Variants in NUBPL observed in about 807,000 individuals in gnomAD.
NUBPL encodes the protein NUBP iron-sulfur cluster assembly factor, mitochondrial, also known as iron-sulfur cluster transfer protein NUBPL.
Under a neutral mutation model 45.7 loss-of-function variants are expected in NUBPL, and 31 were observed. That is an observed-to-expected ratio of 0.68 (90% CI 0.51 to 0.92). NUBPL has a LOEUF of 0.92. NUBPL is among the 40% of genes least tolerant of loss of function. NUBPL has a pLI of 0.00. For synonymous variants in NUBPL, 144 were observed against 140.9 expected, an observed-to-expected ratio of 1.02 and a Z score of -0.15; for missense variants, 401 against 398.7, an observed-to-expected ratio of 1.01 and a Z score of -0.05.
At chr14:31,724,814 G>T (rs1459523412) in intron 6 of NUBPL, among the ~76,000 whole-genome samples, 1 of 152,110 alleles carries the variant, frequency 6.6e-6, no homozygotes, top group Non-Finnish European at 1.5e-5. Context: ...GTATAACATT[G>T]ATTAATGATC....
At chr14:31,640,096 C>G (rs1595414602) in intron 4 of NUBPL, among the ~76,000 whole-genome samples, 2 of 152,304 alleles carry the variant, frequency 1.3e-5, no homozygotes, top group East Asian at 1.9e-4. Flanking sequence ...ACCCACTCTC[C>G]TGCGCCCACT....
At chr14:31,668,823 T>C (rs116686370) in intron 4 of NUBPL, among the ~76,000 whole-genome samples, 1,563 of 152,262 alleles carry the variant, frequency 0.01, 27 homozygotes, top group African/African-American at 0.036. Context: ...ACTTCCCAGA[T>C]GAGGTGACAC....
At chr14:31,662,456 T>C (rs1247250249) in intron 4 of NUBPL, among the ~76,000 whole-genome samples, 2 of 152,030 alleles carry the variant, frequency 1.3e-5, no homozygotes, top group African/African-American at 4.8e-5. Flanking sequence ...TATCCTAATG[T>C]TATCCCTTCC....
chr14:31,689,255 A>G (rs1172535161), intron 6 of NUBPL, among the ~76,000 whole-genome samples: 1 of 152,172 alleles, frequency 6.6e-6, no homozygotes, highest in Non-Finnish European at 1.5e-5. Context: ...GCTTTCCACA[A>G]TGGTTGAGCT....
chr14:31,842,870 ATGT>A (rs2040398307), intron 8 of NUBPL, among the ~76,000 whole-genome samples: 1 of 152,180 alleles, frequency 6.6e-6, no homozygotes, highest in African/African-American at 2.4e-5. Context: ...CTACATTAAT[ATGT>A]TATTTTCTTT....
intron 6 of NUBPL, among the ~76,000 whole-genome samples, chr14:31,697,461 A>C (rs2085100006): frequency 6.6e-6 from 1 of 152,256 alleles, no homozygotes; most frequent in African/African-American, 2.4e-5. Flanking sequence ...TCCTATTTCT[A>C]CCTTAAACAC....
At chr14:31,704,493 G>A (rs192693216) in intron 6 of NUBPL, among the ~76,000 whole-genome samples, 9 of 151,910 alleles carry the variant, frequency 5.9e-5, no homozygotes, top group Admixed American at 3.3e-4. Context: ...GAGAGACCCC[G>A]TCTCTACTAA....
At chr14:31,688,680 T>A (rs1239334548) in intron 6 of NUBPL, among the ~76,000 whole-genome samples, 1 of 145,254 alleles carries the variant, frequency 6.9e-6, no homozygotes, top group South Asian at 2.1e-4. Context: ...TTTTAACTTT[T>A]AGGTTCAGGG....
intron 7 of NUBPL, among the ~76,000 whole-genome samples, chr14:31,799,168 A>C (rs1474258719): frequency 6.6e-6 from 1 of 152,226 alleles, no homozygotes; most frequent in South Asian, 2.1e-4. Context: ...CTGTCCATAC[A>C]GAAAGTGCAG....
intron 8 of NUBPL, chr14:31,844,742 T>G (rs1160924090): frequency 6.6e-6 from 1 of 152,238 alleles, no homozygotes; most frequent in East Asian, 1.9e-4. Flanking sequence ...AATCATAACC[T>G]TATGGTAGAA....
chr14:31,806,432 T>C (rs1263060164), intron 7 of NUBPL, among the ~76,000 whole-genome samples: 2 of 152,120 alleles, frequency 1.3e-5, no homozygotes, highest in African/African-American at 4.8e-5. Flanking sequence ...ATGCAAAATA[T>C]TTAACCTTAG....
intron 7 of NUBPL, among the ~76,000 whole-genome samples, chr14:31,807,762 C>T (rs1186025027): frequency 6.6e-6 from 1 of 152,168 alleles, no homozygotes; most frequent in Non-Finnish European, 1.5e-5. Context: ...TTAGGTCTAA[C>T]ATTTAAGTCT....
At chr14:31,730,136 T>G (rs1387974196) in intron 6 of NUBPL, among the ~76,000 whole-genome samples, 1 of 152,236 alleles carries the variant, frequency 6.6e-6, no homozygotes, top group East Asian at 1.9e-4. Context: ...AAAAATTGGA[T>G]AAAATATGAA....
At chr14:31,846,375 C>G in intron 8 of NUBPL, 96 bp from the exon 9 acceptor site, 1 of 937,282 alleles carries the variant, frequency 1.1e-6, no homozygotes, top group Non-Finnish European at 1.7e-6. Context: ...TGATGAGTGC[C>G]ACTAGAACTC....
intron 8 of NUBPL, among the ~76,000 whole-genome samples, chr14:31,843,116 C>G (rs1056466538): frequency 7.9e-5 from 12 of 152,150 alleles, no homozygotes; most frequent in Non-Finnish European, 1.6e-4. Flanking sequence ...TGTTCAACAC[C>G]CTGGCACCCA....
At chr14:31,737,969 T>G (rs981956917) in intron 6 of NUBPL, among the ~76,000 whole-genome samples, 5 of 152,220 alleles carry the variant, frequency 3.3e-5, no homozygotes, top group African/African-American at 1.2e-4. Flanking sequence ...GTAAGCACAC[T>G]TTTCACTTAA....
chr14:31,753,209 G>A (rs1423508719), intron 6 of NUBPL, among the ~76,000 whole-genome samples: 1 of 152,188 alleles, frequency 6.6e-6, no homozygotes, highest in African/African-American at 2.4e-5. Context: ...CAGGCCCTGA[G>A]TAGGTACATG....
chr14:31,629,361 A>G (rs895209449), intron 4 of NUBPL, among the ~76,000 whole-genome samples: 1 of 152,228 alleles, frequency 6.6e-6, no homozygotes, highest in Non-Finnish European at 1.5e-5. Context: ...GGCACGGCAC[A>G]TTGTAAAAAA....
At chr14:31,639,622 C>G (rs942406826) in intron 4 of NUBPL, among the ~76,000 whole-genome samples, 8 of 152,188 alleles carry the variant, frequency 5.3e-5, no homozygotes, top group African/African-American at 1.7e-4. Flanking sequence ...AGATATCAGA[C>G]AGGGACATTT....
Sources: gnomAD v4.1 joint callset for allele counts (sites outside exome capture counted in the v4.1 genomes callset) on GRCh38, gnomAD v4.1.1 for gene constraint, MANE v1.5 for transcripts, NCBI Gene and HGNC (gene_info 2026-07-23, HGNC 2026-07-21) for gene names.